SNX29: variants seen among roughly 807,000 people sequenced by gnomAD.
SNX29 encodes sorting nexin 29, also known as sorting nexin-29.
Under a neutral mutation model 102.1 loss-of-function variants are expected in SNX29, and 78 were observed. The ratio of observed to expected loss-of-function variants is 0.76; its 90% CI spans 0.64 to 0.92. The LOEUF is 0.92. SNX29 is among the 40% of genes least tolerant of loss of function. The pLI, the probability that SNX29 is intolerant of heterozygous loss-of-function variation, is 0.00. For synonymous variants in SNX29, 580 were observed against 414.5 expected, an observed-to-expected ratio of 1.40 and a Z score of -4.85; for missense variants, 1,280 against 1,061.7, an observed-to-expected ratio of 1.21 and a Z score of -2.86.
chr16:12,084,823 C>G (rs927166373), intron 11 of SNX29, among the ~76,000 whole-genome samples: 1 of 152,152 alleles, frequency 6.6e-6, no homozygotes, highest in Non-Finnish European at 1.5e-5. Context: ...AATCCCAGCA[C>G]TTTGGGAGGC....
At chr16:12,229,909 C>G (rs1283430805) in intron 14 of SNX29, among the ~76,000 whole-genome samples, 1 of 152,088 alleles carries the variant, frequency 6.6e-6, no homozygotes, top group Non-Finnish European at 1.5e-5. Context: ...TTCATTCTTT[C>G]TAGGACAGGG....
chr16:12,508,462 G>T (rs2089471267), intron 19 of SNX29, among the ~76,000 whole-genome samples: 1 of 152,216 alleles, frequency 6.6e-6, no homozygotes, highest in Admixed American at 6.5e-5. Context: ...ATGGCCTGTA[G>T]ATATATTTTG....
At chr16:12,317,828 T>C (rs1431053358) in intron 15 of SNX29, among the ~76,000 whole-genome samples, 1 of 152,244 alleles carries the variant, frequency 6.6e-6, no homozygotes, top group Non-Finnish European at 1.5e-5. Flanking sequence ...AAAATGGTGA[T>C]GCTAATGACT....
At chr16:12,251,124 G>T (rs1027677516) in intron 14 of SNX29, among the ~76,000 whole-genome samples, 1 of 152,200 alleles carries the variant, frequency 6.6e-6, no homozygotes, top group African/African-American at 2.4e-5. Flanking sequence ...TTCCTGGGTT[G>T]GGGTCTTGAC....
chr16:12,564,614 C>T (rs1225142973), intron 20 of SNX29, among the ~76,000 whole-genome samples: 3 of 151,702 alleles, frequency 2.0e-5, no homozygotes, highest in African/African-American at 4.9e-5. Context: ...TGTAACAGAC[C>T]TAGTCCCAGC....
intron 11 of SNX29, among the ~76,000 whole-genome samples, chr16:12,100,429 C>T (rs902005705): frequency 5.9e-5 from 9 of 152,084 alleles, no homozygotes; most frequent in African/African-American, 1.7e-4. Context: ...GGTTGAAACC[C>T]GCTGCTCTAG....
chr16:12,138,852 CT>C (rs1311175376), intron 13 of SNX29, among the ~76,000 whole-genome samples: 1 of 151,990 alleles, frequency 6.6e-6, no homozygotes, highest in Non-Finnish European at 1.5e-5. Context: ...GGTGAGTAAA[CT>C]TTTTTTGTTC....
At chr16:12,395,821 C>G (rs1437447398) in intron 16 of SNX29, among the ~76,000 whole-genome samples, 4 of 147,650 alleles carry the variant, frequency 2.7e-5, no homozygotes, top group East Asian at 3.8e-4. Context: ...AATCAGCTCT[C>G]TAAAGGGCTG....
chr16:12,562,316 C>T (rs1412960116), intron 20 of SNX29, among the ~76,000 whole-genome samples: 2 of 152,192 alleles, frequency 1.3e-5, no homozygotes, highest in African/African-American at 4.8e-5. Flanking sequence ...GGCTTTGTCC[C>T]AAGAACCTGC....
chr16:12,545,040 T>C (rs1193838634), intron 20 of SNX29, among the ~76,000 whole-genome samples: 1 of 152,128 alleles, frequency 6.6e-6, no homozygotes, highest in African/African-American at 2.4e-5. Flanking sequence ...GCCAGGTCTG[T>C]GATGCCCTGC....
At chr16:12,135,876 G>A (rs2054640699) in intron 13 of SNX29, 1 of 329,592 alleles carries the variant, frequency 3.0e-6, no homozygotes, top group Non-Finnish European at 5.8e-6. Flanking sequence ...CAACCTGCCA[G>A]GTCCAGGAAG....
chr16:12,544,827 A>G (rs536089385), intron 20 of SNX29, among the ~76,000 whole-genome samples: 6 of 152,352 alleles, frequency 3.9e-5, no homozygotes, highest in Admixed American at 3.3e-4. Context: ...CTGCTTCAGC[A>G]AGAACTCCTT....
At chr16:12,315,634 AGT>A (rs2080707694) in intron 15 of SNX29, among the ~76,000 whole-genome samples, 1 of 152,206 alleles carries the variant, frequency 6.6e-6, no homozygotes, top group South Asian at 2.1e-4. Context: ...CAAGCCGTGG[AGT>A]GGCCTCAGGA....
rs561261697 is a variant in SNX29, at chr16:12,166,550, C to G, written c.1596-33051C>G. On this transcript the variant is annotated intron_variant, in intron 13 of 20. Transcript: ENST00000566228. ...GCAGGGGAGCGTGGCGCTCAGTTCA[C>G]TTGGAGCTGATTATGGTATTGGGCC... Among the ~76,000 whole-genome samples, 11 of 152,336 alleles carry G rather than the reference C, an allele frequency of 7.2e-5. No individual in the cohort carries two copies. The East Asian group carries it at 7.7e-4, about 11-fold the overall frequency.
intron 11 of SNX29, among the ~76,000 whole-genome samples, chr16:12,104,888 C>G (rs377330287): frequency 7.2e-5 from 11 of 152,198 alleles, no homozygotes; most frequent in Non-Finnish European, 1.0e-4. Flanking sequence ...CTGAAGAAAG[C>G]GAACTGGAAA....
chr16:12,482,122 T>C (rs560488296), intron 19 of SNX29, among the ~76,000 whole-genome samples: 36 of 152,348 alleles, frequency 2.4e-4, no homozygotes, highest in Non-Finnish European at 4.6e-4. Context: ...GTGTTGATTC[T>C]ACATTGGCCC....
chr16:12,307,258 C>T (rs1027196980), intron 15 of SNX29, among the ~76,000 whole-genome samples: 4 of 152,196 alleles, frequency 2.6e-5, no homozygotes, highest in African/African-American at 7.2e-5. Context: ...GTGATGCCAT[C>T]TGCATATGAT....
At chr16:12,214,232 G>A (rs997156012) in intron 14 of SNX29, among the ~76,000 whole-genome samples, 3 of 152,176 alleles carry the variant, frequency 2.0e-5, no homozygotes, top group African/African-American at 4.8e-5. Context: ...TTTATTGTTT[G>A]GTAGGAAACA....
intron 16 of SNX29, among the ~76,000 whole-genome samples, chr16:12,395,225 C>A (rs1051801798): frequency 2.6e-4 from 39 of 152,302 alleles, no homozygotes; most frequent in African/African-American, 8.2e-4. Context: ...GTCAAAGTGG[C>A]AGGGTGGGCC....
Sources: gnomAD v4.1 joint callset for allele counts (sites outside exome capture counted in the v4.1 genomes callset) on GRCh38, gnomAD v4.1.1 for gene constraint, MANE v1.5 for transcripts, NCBI Gene and HGNC (gene_info 2026-07-23, HGNC 2026-07-21) for gene names.